The following GPR158 variants were observed in gnomAD, a reference collection of about 807,000 sequenced individuals.
GPR158 encodes the protein metabotropic glycine receptor.
In GPR158, 30 loss-of-function variants were observed where a neutral mutation model predicts 78.2. That is an observed-to-expected ratio of 0.38 (90% CI 0.29 to 0.52). The LOEUF is 0.52. Ranked by LOEUF, GPR158 falls within the 20% of genes least tolerant of loss-of-function variation. GPR158 has a pLI of 0.83. For missense variants in GPR158, 1,463 were observed against 1,523.5 expected (o/e 0.96, Z 0.66); for synonymous variants, 581 against 591.1 (o/e 0.98, Z 0.25).
At chr10:25,574,884 C>CAAAGA (rs1837067510) in intron 7 of GPR158, among the ~76,000 whole-genome samples, 1 of 151,656 alleles carries the variant, frequency 6.6e-6, no homozygotes, top group Admixed American at 6.6e-5. Flanking sequence ...GACTTTGTCT[C>CAAAGA]AAAGAAATAA....
chr10:25,308,287 A>G lies in GPR158; in HGVS notation c.1008+87130A>G, dbSNP rs1267846535. ...CCAGGATGCATTAGCTATTTTTCCT[A>G]ATGCTCTCCCGACTCAAACCTACCA... On this transcript the variant is annotated intron_variant, in intron 2 of 10. Coordinates refer to ENST00000376351, the MANE Select transcript of GPR158 (RefSeq NM_020752.3). 2.6e-5 allele frequency among the ~76,000 whole-genome samples: 4 copies of G among 152,076 alleles called. No individual in the cohort carries two copies. The South Asian group carries it at 6.2e-4, about 24-fold the overall frequency.
intron 2 of GPR158, among the ~76,000 whole-genome samples, chr10:25,248,050 A>G (rs568194739): frequency 1.3e-5 from 2 of 152,100 alleles, no homozygotes; most frequent in African/African-American, 4.8e-5. Context: ...TTTGATTTGC[A>G]TTTATCTGAT....
At chr10:25,542,384 G>T (rs1002931919) in intron 5 of GPR158, among the ~76,000 whole-genome samples, 12 of 152,186 alleles carry the variant, frequency 7.9e-5, no homozygotes, top group African/African-American at 2.9e-4. Context: ...TTTGGACCAT[G>T]CTGGCTTCTT....
chr10:25,414,504 A>C (rs1367773467), intron 4 of GPR158, among the ~76,000 whole-genome samples: 1 of 152,194 alleles, frequency 6.6e-6, no homozygotes, highest in Non-Finnish European at 1.5e-5. Context: ...ATATAAGCTA[A>C]TAAAGTGAAT....
intron 2 of GPR158, among the ~76,000 whole-genome samples, chr10:25,278,013 A>G (rs545351326): frequency 2.0e-5 from 3 of 152,238 alleles, no homozygotes; most frequent in South Asian, 2.1e-4. Context: ...AAACTTCCTT[A>G]AAAAAACCAC....
At chr10:25,593,418 TTGA>T (rs909768531) in intron 8 of GPR158, among the ~76,000 whole-genome samples, 1 of 152,082 alleles carries the variant, frequency 6.6e-6, no homozygotes, top group African/African-American at 2.4e-5. Flanking sequence ...CTTTGCACAT[TTGA>T]TGATGTGAAA....
intron 1 of GPR158, among the ~76,000 whole-genome samples, chr10:25,212,427 A>G (rs1853144476): frequency 6.6e-6 from 1 of 152,098 alleles, no homozygotes; most frequent in South Asian, 2.1e-4. Flanking sequence ...GCCATTCATG[A>G]TCCGATCACC....
chr10:25,180,129 T>A (rs1222092116), intron 1 of GPR158, among the ~76,000 whole-genome samples: 1 of 152,180 alleles, frequency 6.6e-6, no homozygotes, highest in Non-Finnish European at 1.5e-5. Flanking sequence ...GAATTTGGAA[T>A]TCCTTTGGTT....
rs182043676 is a variant in GPR158 at position 25,212,368 on chromosome 10, C to T, written c.903-8684C>T. 6.8e-3 allele frequency among the ~76,000 whole-genome samples: 1,030 copies of T among 152,158 alleles called. 6 individuals carry two copies. The highest frequency in any genetic ancestry group is 8.8e-3 in the Non-Finnish European group (600 of 67,998). On this transcript the variant is annotated intron_variant, in intron 1 of 10. Transcript: ENST00000376351. ...CACACTTTTGGACAACCGGAACTTA[C>T]GAGAACATACTCACCATCACAAGAA...
Position 25,294,241 on chromosome 10 carries a change from T to C in GPR158, c.1008+73084T>C, listed in dbSNP as rs552204726. Among the ~76,000 whole-genome samples the C allele has an allele frequency of 2.4e-4, 37 of 152,318 alleles. 1 individual carries two copies. In the South Asian group the frequency reaches 7.2e-3, roughly 30 times the overall value. ...TAAGAGTAAGCAAATAAAACATCTTTTTTTTTCTTTCAAATAAAACATCTT... is the reference window on the plus strand; with the variant it reads ...TAAGAGTAAGCAAATAAAACATCTTCTTTTTTCTTTCAAATAAAACATCTT... On this transcript the variant is annotated intron_variant, in intron 2 of 10. Coordinates refer to ENST00000376351, the MANE Select transcript of GPR158 (RefSeq NM_020752.3).
At position 25,583,651 on chromosome 10, in the gene GPR158, G is replaced by T. The variant is rs573694860; in HGVS notation, c.1754-5356G>T. Among the ~76,000 whole-genome samples, 5 of 134,658 alleles carry T rather than the reference G, an allele frequency of 3.7e-5. No homozygotes were observed. In the South Asian group the frequency reaches 9.5e-4, roughly 26 times the overall value. The allele number at this position is 134,658 out of a possible 152,430, so 88.3% of individuals were successfully genotyped here. ...AAAATGAGTTATCCTGGGTAGAATT[G>T]TAAATATTTTTTTTTTACTTTAACC... On this transcript the variant is annotated intron_variant, in intron 7 of 10. Coordinates refer to ENST00000376351, the MANE Select transcript of GPR158 (RefSeq NM_020752.3).
At chr10:25,445,855 A>G (rs535306144) in intron 4 of GPR158, among the ~76,000 whole-genome samples, 38 of 152,218 alleles carry the variant, frequency 2.5e-4, no homozygotes, top group African/African-American at 8.4e-4. Context: ...TAACAAAGAG[A>G]GGATTTAGAA....
chr10:25,399,943 G>A (rs1834417842), intron 3 of GPR158, among the ~76,000 whole-genome samples: 1 of 152,120 alleles, frequency 6.6e-6, no homozygotes, highest in South Asian at 2.1e-4. Flanking sequence ...AGGTAAGAAA[G>A]GCATTAGGGA....
intron 2 of GPR158, among the ~76,000 whole-genome samples, chr10:25,352,955 T>C (rs755238554): frequency 3.3e-5 from 5 of 152,044 alleles, no homozygotes; most frequent in African/African-American, 2.4e-5. Flanking sequence ...AAATGACATA[T>C]GCAGTGCTAG....
At chr10:25,421,531 A>G (rs927825568) in intron 4 of GPR158, among the ~76,000 whole-genome samples, 1 of 152,264 alleles carries the variant, frequency 6.6e-6, no homozygotes, top group Non-Finnish European at 1.5e-5. Flanking sequence ...CTTAAACCTA[A>G]TTCTAGTAGT....
chr10:25,317,734 T>TG (rs1564420581), intron 2 of GPR158, among the ~76,000 whole-genome samples: 1 of 146,480 alleles, frequency 6.8e-6, no homozygotes, highest in African/African-American at 2.7e-5. Context: ...TTGTTTTGTT[T>TG]TGTTTTGTTT....
intron 2 of GPR158, among the ~76,000 whole-genome samples, chr10:25,292,689 G>T (rs556400375): frequency 6.6e-6 from 1 of 152,202 alleles, no homozygotes; most frequent in East Asian, 1.9e-4. Context: ...AGCCTAAATT[G>T]TACAAAGTTG....
At chr10:25,383,752 T>C (rs920873859) in intron 2 of GPR158, among the ~76,000 whole-genome samples, 5 of 151,348 alleles carry the variant, frequency 3.3e-5, no homozygotes, top group African/African-American at 7.3e-5. Flanking sequence ...CCAAGAAGAA[T>C]AGAAAAAAAA....
chr10:25,529,586 T>G (rs5001528), intron 5 of GPR158, among the ~76,000 whole-genome samples: 86,040 of 151,860 alleles, frequency 0.57, 24,872 homozygotes, highest in African/African-American at 0.7. Context: ...TATTTTACTC[T>G]CAGATACAAG....
Sources: allele counts gnomAD v4.1 joint callset (sites outside exome capture counted in the v4.1 genomes callset), GRCh38; gene constraint gnomAD v4.1.1; transcripts MANE v1.5; gene names NCBI Gene and HGNC (gene_info 2026-07-23, HGNC 2026-07-21).